The following DPYD variants were observed in gnomAD, a reference collection of about 807,000 sequenced individuals.
DPYD encodes dihydropyrimidine dehydrogenase [NADP(+)].
Under a neutral mutation model 116.2 loss-of-function variants are expected in DPYD, and 109 were observed. The observed-to-expected ratio is 0.94, with a 90% CI of 0.80 to 1.10. The LOEUF is 1.10. DPYD is among the 50% of genes least tolerant of loss of function. The pLI is 0.00. For synonymous variants in DPYD, 440 were observed against 432.0 expected, an observed-to-expected ratio of 1.02 and a Z score of -0.23; for missense variants, 1,302 against 1,254.5, an observed-to-expected ratio of 1.04 and a Z score of -0.57.
chr1:97,250,325 T>C (rs554635236), intron 18 of DPYD, among the ~76,000 whole-genome samples: 16 of 151,606 alleles, frequency 1.1e-4, no homozygotes, highest in South Asian at 6.2e-4. Context: ...CTTTGGATAA[T>C]TGTTTGACAG....
At chr1:97,504,862 T>A (rs1679794743) in intron 13 of DPYD, among the ~76,000 whole-genome samples, 1 of 129,246 alleles carries the variant, frequency 7.7e-6, no homozygotes, top group South Asian at 2.5e-4. Context: ...AGATCTGATC[T>A]CCAAAGGCTT....
intron 13 of DPYD, among the ~76,000 whole-genome samples, chr1:97,505,675 C>A (rs1032711382): frequency 6.6e-6 from 1 of 151,830 alleles, no homozygotes; most frequent in Admixed American, 6.6e-5. Context: ...TATACACACA[C>A]ACAAACACAC....
intron 2 of DPYD, among the ~76,000 whole-genome samples, chr1:97,877,050 G>A (rs1671956848): frequency 6.6e-6 from 1 of 151,974 alleles, no homozygotes; most frequent in Admixed American, 6.6e-5. Flanking sequence ...TACCAGGTGT[G>A]GGTAAATGAA....
intron 16 of DPYD, among the ~76,000 whole-genome samples, chr1:97,341,959 C>T (rs1172639283): frequency 1.3e-5 from 2 of 152,162 alleles, no homozygotes; most frequent in Non-Finnish European, 2.9e-5. Flanking sequence ...AGAACTGCTT[C>T]ACTAGCATAG....
intron 16 of DPYD, among the ~76,000 whole-genome samples, chr1:97,318,726 C>G (rs199744957): frequency 0.22 from 33,052 of 147,350 alleles, 3,846 homozygotes; most frequent in Non-Finnish European, 0.27. Context: ...CTGCACCAAG[C>G]GGACCTAATA....
At chr1:97,860,978 G>C (rs1177775120) in intron 2 of DPYD, among the ~76,000 whole-genome samples, 1 of 151,914 alleles carries the variant, frequency 6.6e-6, no homozygotes, top group Non-Finnish European at 1.5e-5. Flanking sequence ...ATGAGGATGG[G>C]ATGAGAGAAA....
intron 8 of DPYD, among the ~76,000 whole-genome samples, chr1:97,652,493 G>A (rs1658644461): frequency 6.6e-6 from 1 of 152,198 alleles, no homozygotes. Flanking sequence ...CATGGATATG[G>A]CCCCCTTCCC....
intron 20 of DPYD, among the ~76,000 whole-genome samples, chr1:97,130,712 CTCTCTCTT>C (rs1386262126): frequency 1.1e-4 from 14 of 128,180 alleles, no homozygotes; most frequent in African/African-American, 3.3e-4. Context: ...CCCTCTCTCC[CTCTCTCTT>C]TCTTTCTTTC....
intron 8 of DPYD, among the ~76,000 whole-genome samples, chr1:97,602,677 T>C (rs1395093484): frequency 1.3e-5 from 2 of 151,992 alleles, no homozygotes; most frequent in East Asian, 3.9e-4. Flanking sequence ...TAAAATATCC[T>C]TGAGTATATT....
At chr1:97,223,074 A>T (rs1270687694) in intron 19 of DPYD, among the ~76,000 whole-genome samples, 1 of 152,078 alleles carries the variant, frequency 6.6e-6, no homozygotes, top group Non-Finnish European at 1.5e-5. Context: ...ACCAAGAGAT[A>T]ATATGGGTAA....
intron 14 of DPYD, among the ~76,000 whole-genome samples, chr1:97,431,744 CAATT>C (rs1675190339): frequency 6.6e-6 from 1 of 152,016 alleles, no homozygotes; most frequent in South Asian, 2.1e-4. Context: ...TTGAAATATG[CAATT>C]AATTATTGTT....
At chr1:97,256,015 T>C (rs1490931596) in intron 18 of DPYD, among the ~76,000 whole-genome samples, 2 of 152,112 alleles carry the variant, frequency 1.3e-5, no homozygotes, top group East Asian at 1.9e-4. Context: ...GCTATTTCTA[T>C]AAGAAATTAG....
chr1:97,831,845 G>A (rs780094956), intron 2 of DPYD, among the ~76,000 whole-genome samples: 43 of 152,078 alleles, frequency 2.8e-4, no homozygotes, highest in South Asian at 6.2e-4. Context: ...AGGCCTGCTA[G>A]CCTAGACAAT....
intron 3 of DPYD, among the ~76,000 whole-genome samples, chr1:97,818,206 T>C (rs1224611018): frequency 6.6e-6 from 1 of 152,046 alleles, no homozygotes; most frequent in Non-Finnish European, 1.5e-5. Flanking sequence ...TATCAAACTA[T>C]CACTTGCAAT....
intron 8 of DPYD, among the ~76,000 whole-genome samples, chr1:97,664,388 T>G (rs1659439042): frequency 6.6e-6 from 1 of 151,918 alleles, no homozygotes; most frequent in Admixed American, 6.6e-5. Context: ...CATATATATG[T>G]GTGTGTGTAC....
chr1:97,079,063 A>T lies in DPYD; in HGVS notation c.2991T>A (p.Pro997=). ...AAACCATTTTGATGCAGTCGACAAT[A>T]GGGCAAACACTGAGACACAGAGTAC... is the stretch of plus-strand genomic sequence containing the variant. ...TGCTLCLSVC[P]IVDCIKMVSR... The change falls in exon 23 of 23, where the codon CCT becomes CCA. Residue 997 remains proline (P), a synonymous_variant. Transcript: ENST00000370192. The T allele has an allele frequency of 6.2e-7, 1 of 1,613,780 alleles. No individual in the cohort carries two copies. The highest frequency in any genetic ancestry group is 8.5e-7 in the Non-Finnish European group (1 of 1,179,756).
At chr1:97,839,404 C>T (rs766634506) in intron 2 of DPYD, among the ~76,000 whole-genome samples, 8 of 152,038 alleles carry the variant, frequency 5.3e-5, no homozygotes, top group Non-Finnish European at 1.0e-4. Flanking sequence ...TCACACAACA[C>T]GTTTTATGTT....
chr1:97,508,487 T>C (rs150033458), intron 13 of DPYD, among the ~76,000 whole-genome samples: 1 of 152,088 alleles, frequency 6.6e-6, no homozygotes, highest in Non-Finnish European at 1.5e-5. Context: ...GTATTCTCTC[T>C]GAAATTGCAC....
intron 18 of DPYD, among the ~76,000 whole-genome samples, chr1:97,285,982 T>G (rs934925352): frequency 6.6e-6 from 1 of 152,210 alleles, no homozygotes; most frequent in Non-Finnish European, 1.5e-5. Flanking sequence ...GCTGGTTATT[T>G]TGCTCATTAA....
Sources: gnomAD v4.1 joint callset for allele counts (sites outside exome capture counted in the v4.1 genomes callset) on GRCh38, gnomAD v4.1.1 for gene constraint, MANE v1.5 for transcripts, NCBI Gene and HGNC (gene_info 2026-07-23, HGNC 2026-07-21) for gene names.